FHIT: variants seen among roughly 807,000 people sequenced by gnomAD.
The protein encoded by FHIT is fragile histidine triad diadenosine triphosphatase, also known as bis(5'-adenosyl)-triphosphatase.
FHIT carries 19 observed loss-of-function variants against 17.9 expected under a neutral mutation model. That is an observed-to-expected ratio of 1.06 (90% confidence interval 0.74 to 1.56). The LOEUF is 1.56. Among genes scored for constraint, FHIT ranks in the 40% most tolerant of loss-of-function variants. The pLI, the probability that FHIT is intolerant of heterozygous loss-of-function variation, is 0.00. For synonymous variants in FHIT, 81 were observed against 69.7 expected, an observed-to-expected ratio of 1.16 and a Z score of -0.81; for missense variants, 248 against 189.2, an observed-to-expected ratio of 1.31 and a Z score of -1.82.
intron 5 of FHIT, among the ~76,000 whole-genome samples, chr3:60,029,026 G>C (rs1248081504): frequency 6.6e-6 from 1 of 152,164 alleles, no homozygotes; most frequent in Non-Finnish European, 1.5e-5. Flanking sequence ...AATTGTTCAA[G>C]AGACTCTCAA....
At chr3:60,361,466 C>G (rs1699904131) in intron 5 of FHIT, among the ~76,000 whole-genome samples, 1 of 152,172 alleles carries the variant, frequency 6.6e-6, no homozygotes, top group African/African-American at 2.4e-5. Flanking sequence ...GGATTTCTTG[C>G]AGCAGTGAGT....
chr3:60,422,531 G>GTTA (rs1702515913), intron 5 of FHIT, among the ~76,000 whole-genome samples: 1 of 151,864 alleles, frequency 6.6e-6, no homozygotes, highest in Non-Finnish European at 1.5e-5. Context: ...TTTTGTTGTT[G>GTTA]TTATTGCTAT....
At chr3:60,114,282 G>A (rs143155644) in intron 5 of FHIT, among the ~76,000 whole-genome samples, 28 of 149,722 alleles carry the variant, frequency 1.9e-4, no homozygotes, top group African/African-American at 4.9e-4. Flanking sequence ...GCAGGGCTGC[G>A]ACTAGAATTT....
chr3:60,922,717 T>C (rs1707346081), intron 3 of FHIT, among the ~76,000 whole-genome samples: 2 of 152,264 alleles, frequency 1.3e-5, no homozygotes, highest in Non-Finnish European at 2.9e-5. Context: ...TCCTCTCCAA[T>C]CACCAAGACA....
chr3:61,035,344 A>G (rs1408047425), intron 3 of FHIT, among the ~76,000 whole-genome samples: 1 of 152,142 alleles, frequency 6.6e-6, no homozygotes, highest in African/African-American at 2.4e-5. Flanking sequence ...ACATGTCACA[A>G]TTCTGATCTT....
At chr3:60,585,476 T>C (rs1224519858) in intron 4 of FHIT, among the ~76,000 whole-genome samples, 1 of 152,036 alleles carries the variant, frequency 6.6e-6, no homozygotes, top group African/African-American at 2.4e-5. Context: ...ATGTTATTTT[T>C]CATTCAGATC....
chr3:60,291,347 A>G (rs1407035825), intron 5 of FHIT, among the ~76,000 whole-genome samples: 1 of 152,142 alleles, frequency 6.6e-6, no homozygotes, highest in East Asian at 1.9e-4. Context: ...TGCCATTTGC[A>G]TAGGATGCAA....
At chr3:59,795,933 C>A (rs910534647) in intron 8 of FHIT, among the ~76,000 whole-genome samples, 3 of 152,114 alleles carry the variant, frequency 2.0e-5, no homozygotes, top group African/African-American at 7.2e-5. Context: ...ACACAATGAA[C>A]TTTTCCTTGC....
chr3:60,788,484 G>A (rs951957828), intron 4 of FHIT, among the ~76,000 whole-genome samples: 1 of 152,108 alleles, frequency 6.6e-6, no homozygotes, highest in Non-Finnish European at 1.5e-5. Flanking sequence ...ATATTTGTGT[G>A]TATACATGCA....
chr3:60,754,357 G>A (rs2042530017), intron 4 of FHIT, among the ~76,000 whole-genome samples: 1 of 152,096 alleles, frequency 6.6e-6, no homozygotes, highest in African/African-American at 2.4e-5. Flanking sequence ...ATCAACAGGG[G>A]GAATCTCACA....
chr3:60,764,647 T>A (rs1466475842), intron 4 of FHIT, among the ~76,000 whole-genome samples: 3 of 152,068 alleles, frequency 2.0e-5, no homozygotes, highest in Non-Finnish European at 4.4e-5. Context: ...AATGCATATT[T>A]TGACTCACTC....
chr3:61,074,103 A>T (rs551026589), intron 2 of FHIT, among the ~76,000 whole-genome samples: 1 of 152,268 alleles, frequency 6.6e-6, no homozygotes, highest in South Asian at 2.1e-4. Flanking sequence ...AATTTTTTTT[A>T]AAGCATAAGC....
At chr3:60,963,781 C>T (rs982844085) in intron 3 of FHIT, among the ~76,000 whole-genome samples, 3 of 152,178 alleles carry the variant, frequency 2.0e-5, no homozygotes, top group Non-Finnish European at 4.4e-5. Context: ...TTTGATTGCA[C>T]TGTGGTCTGA....
intron 5 of FHIT, among the ~76,000 whole-genome samples, chr3:60,515,878 C>G (rs2035135462): frequency 6.6e-6 from 1 of 152,208 alleles, no homozygotes; most frequent in Non-Finnish European, 1.5e-5. Context: ...GACAACTGAG[C>G]TTGGATTCAC....
intron 8 of FHIT, among the ~76,000 whole-genome samples, chr3:59,853,696 G>C (rs764310290): frequency 2.6e-5 from 4 of 152,062 alleles, no homozygotes; most frequent in Non-Finnish European, 4.4e-5. Flanking sequence ...GTGTGCATGT[G>C]TGTGTGTGAC....
chr3:60,032,306 G>C (rs1412641199), intron 5 of FHIT, among the ~76,000 whole-genome samples: 9 of 151,958 alleles, frequency 5.9e-5, no homozygotes, highest in Admixed American at 5.2e-4. Flanking sequence ...AAAAAAATTA[G>C]CTGGGCATAG....
At chr3:60,687,222 G>A (rs1457384614) in intron 4 of FHIT, among the ~76,000 whole-genome samples, 3 of 152,060 alleles carry the variant, frequency 2.0e-5, no homozygotes. Context: ...GAAAAAAAAG[G>A]AGTCTCTATT....
chr3:60,055,525 T>G (rs1702047235), intron 5 of FHIT, among the ~76,000 whole-genome samples: 1 of 151,864 alleles, frequency 6.6e-6, no homozygotes, highest in South Asian at 2.1e-4. Flanking sequence ...GATGGTGCAG[T>G]TCAGAGCTTA....
intron 4 of FHIT, among the ~76,000 whole-genome samples, chr3:60,594,286 CA>C (rs1331838676): frequency 6.6e-6 from 1 of 152,090 alleles, no homozygotes; most frequent in African/African-American, 2.4e-5. Flanking sequence ...TACACACATA[CA>C]GCGAACACAA....
Sources: gnomAD v4.1 joint callset for allele counts (sites outside exome capture counted in the v4.1 genomes callset) on GRCh38, gnomAD v4.1.1 for gene constraint, MANE v1.5 for transcripts, NCBI Gene and HGNC (gene_info 2026-07-23, HGNC 2026-07-21) for gene names.